The following NAALADL2 variants were observed in gnomAD, a reference collection of about 807,000 sequenced individuals.
NAALADL2 encodes N-acetylated alpha-linked acidic dipeptidase like 2.
In NAALADL2, 76 loss-of-function variants were observed where a neutral mutation model predicts 87.2. The observed-to-expected ratio is 0.87, with a 90% confidence interval of 0.72 to 1.05. The LOEUF (loss-of-function observed/expected upper bound fraction) is 1.05. Ranked by LOEUF, NAALADL2 falls within the 50% of genes least tolerant of loss-of-function variation. The pLI, the probability that NAALADL2 is intolerant of heterozygous loss-of-function variation, is 0.00. For missense variants in NAALADL2, 1,089 were observed against 945.8 expected, an observed-to-expected ratio of 1.15 and a Z score of -1.99; for synonymous variants, 354 against 331.0, an observed-to-expected ratio of 1.07 and a Z score of -0.75.
intron 4 of NAALADL2, among the ~76,000 whole-genome samples, chr3:175,302,692 A>G (rs1757228558): frequency 6.6e-6 from 1 of 152,144 alleles, no homozygotes; most frequent in African/African-American, 2.4e-5. Flanking sequence ...AGTATAGTAC[A>G]GTATGTTAAA....
chr3:174,869,260 A>T (rs1348662820), intron 1 of NAALADL2, among the ~76,000 whole-genome samples: 1 of 152,214 alleles, frequency 6.6e-6, no homozygotes, highest in African/African-American at 2.4e-5. Flanking sequence ...AAATTCTGTC[A>T]TAAAGCCCTG....
At chr3:175,312,377 T>C (rs1254217884) in intron 4 of NAALADL2, among the ~76,000 whole-genome samples, 1 of 152,158 alleles carries the variant, frequency 6.6e-6, no homozygotes, top group Non-Finnish European at 1.5e-5. Context: ...AATTTTAATC[T>C]AAAATGTCCC....
At chr3:175,510,902 C>T (rs993457632) in intron 9 of NAALADL2, among the ~76,000 whole-genome samples, 1 of 152,136 alleles carries the variant, frequency 6.6e-6, no homozygotes, top group African/African-American at 2.4e-5. Context: ...AACATGTCCA[C>T]AGCTCTTAAC....
At chr3:175,730,838 T>G (rs2150063516) in intron 11 of NAALADL2, among the ~76,000 whole-genome samples, 1 of 152,158 alleles carries the variant, frequency 6.6e-6, no homozygotes, top group Admixed American at 6.5e-5. Flanking sequence ...GACACCAGGG[T>G]CTTGAGGTAC....
At chr3:175,157,488 G>C (rs1188611038) in intron 2 of NAALADL2, among the ~76,000 whole-genome samples, 1 of 151,794 alleles carries the variant, frequency 6.6e-6, no homozygotes, top group Non-Finnish European at 1.5e-5. Flanking sequence ...GTAATAAATG[G>C]GCATTATTCA....
intron 2 of NAALADL2, among the ~76,000 whole-genome samples, chr3:174,614,126 T>C (rs192596084): frequency 3.9e-5 from 6 of 152,180 alleles, no homozygotes; most frequent in Non-Finnish European, 7.4e-5. Flanking sequence ...TTTTTTAGAG[T>C]TGTGAGCAGT....
chr3:174,719,278 T>C (rs986471809), intron 2 of NAALADL2, among the ~76,000 whole-genome samples: 4 of 152,184 alleles, frequency 2.6e-5, no homozygotes, highest in Non-Finnish European at 2.9e-5. Flanking sequence ...TTTTGAAAAA[T>C]ATCCCATCTC....
intron 3 of NAALADL2, among the ~76,000 whole-genome samples, chr3:174,836,653 G>A (rs1375399912): frequency 7.2e-6 from 1 of 138,074 alleles, no homozygotes; most frequent in African/African-American, 2.7e-5. Context: ...AGCTTGCAGT[G>A]AGCCGAAATC....
intron 11 of NAALADL2, among the ~76,000 whole-genome samples, chr3:175,729,053 C>T (rs924986092): frequency 2.0e-5 from 3 of 152,092 alleles, no homozygotes; most frequent in Admixed American, 6.5e-5. Flanking sequence ...TGTATGGTGT[C>T]GTTATGTGGT....
chr3:174,991,063 T>C (rs942468887), intron 1 of NAALADL2, among the ~76,000 whole-genome samples: 14 of 152,208 alleles, frequency 9.2e-5, no homozygotes, highest in Non-Finnish European at 1.2e-4. Context: ...ACCCTTCTTT[T>C]CCTTGTAATT....
rs376169416 is a variant in NAALADL2, at chr3:174,486,028, A to G, written c.-184+44996A>G. Among the ~76,000 whole-genome samples the G allele has an allele frequency of 3.3e-5, 5 of 152,114 alleles. No homozygotes were observed. In the East Asian group the frequency reaches 7.7e-4, roughly 24 times the overall value. On this transcript the variant is annotated intron_variant, in intron 1 of 3. Coordinates refer to the NAALADL2 transcript ENST00000434257. ...GACCTAAAAACAGAACTACCATTCA[A>G]CTCAGCAGTCCCATTACTGGGTATG...
chr3:174,684,908 C>T (rs1266975683), intron 2 of NAALADL2, among the ~76,000 whole-genome samples: 2 of 152,090 alleles, frequency 1.3e-5, no homozygotes, highest in African/African-American at 2.4e-5. Context: ...GTTTTCTTGT[C>T]ACCCGGCCAC....
chr3:174,949,110 A>T, intron 1 of NAALADL2, among the ~76,000 whole-genome samples: 1 of 152,024 alleles, frequency 6.6e-6, no homozygotes, highest in East Asian at 1.9e-4. Context: ...TCTCCCAAAG[A>T]TCCCACCCTC....
intron 3 of NAALADL2, among the ~76,000 whole-genome samples, chr3:174,819,368 ATATT>A (rs1721177679): frequency 7.2e-6 from 1 of 139,578 alleles, no homozygotes; most frequent in Non-Finnish European, 1.5e-5. Context: ...CGTGGCTAAT[ATATT>A]TATTCTTTAT....
chr3:175,334,010 T>A (rs1311001788), intron 5 of NAALADL2, among the ~76,000 whole-genome samples: 2 of 152,192 alleles, frequency 1.3e-5, no homozygotes, highest in African/African-American at 4.8e-5. Flanking sequence ...TATTTTGACA[T>A]CTTTGTATGT....
Position 175,364,762 on chromosome 3 carries a change from G to A in NAALADL2, c.1090+40437G>A, listed in dbSNP as rs1405466059. Among the ~76,000 whole-genome samples the A allele has an allele frequency of 2.0e-5, 3 of 147,176 alleles. 1 individual carries two copies. Among genetic ancestry groups the A allele is most frequent in the Non-Finnish European group, 3.0e-5 (2 of 66,234 alleles). ...AGATAAATGTATTGCCTTACATGAG[G>A]AACAGATTATAAATTTGTGTTTGTG... On this transcript the variant is annotated intron_variant, in intron 5 of 13. Coordinates refer to ENST00000454872, the MANE Select transcript of NAALADL2 (RefSeq NM_207015.3).
At chr3:175,490,786 C>T (rs1727958632) in intron 9 of NAALADL2, among the ~76,000 whole-genome samples, 1 of 151,982 alleles carries the variant, frequency 6.6e-6, no homozygotes, top group Admixed American at 6.6e-5. Context: ...TGGAAAGTTA[C>T]AACGAAAGAA....
intron 5 of NAALADL2, among the ~76,000 whole-genome samples, chr3:175,404,574 G>A (rs1463182370): frequency 3.3e-5 from 5 of 152,130 alleles, no homozygotes; most frequent in African/African-American, 9.6e-5. Flanking sequence ...TGATCTACTG[G>A]TAACTGTACA....
intron 11 of NAALADL2, among the ~76,000 whole-genome samples, chr3:175,651,536 G>A (rs1271738677): frequency 1.3e-5 from 2 of 152,086 alleles, no homozygotes; most frequent in Non-Finnish European, 2.9e-5. Context: ...TTTAAAGATA[G>A]GACAGCAGCA....
Sources: allele counts gnomAD v4.1 joint callset (sites outside exome capture counted in the v4.1 genomes callset), GRCh38; gene constraint gnomAD v4.1.1; transcripts MANE v1.5; gene names NCBI Gene and HGNC (gene_info 2026-07-23, HGNC 2026-07-21).